Variants in COL5A1 observed in about 807,000 individuals in gnomAD.
COL5A1 encodes collagen alpha-1(V) chain.
COL5A1 carries 16 observed loss-of-function variants against 263.7 expected under a neutral mutation model. The ratio of observed to expected loss-of-function variants is 0.06; its 90% CI spans 0.04 to 0.09. The LOEUF is 0.09. Among genes scored for constraint, COL5A1 ranks in the 10% least tolerant of loss-of-function variants. The pLI is 1.00. For synonymous variants in COL5A1, 1,012 were observed against 1,004.5 expected (o/e 1.01, Z -0.14); for missense variants, 2,036 against 2,540.5 (o/e 0.80, Z 4.27).
At chr9:134,736,107 C>T (rs1187257731) in intron 9 of COL5A1, among the ~76,000 whole-genome samples, 1 of 152,244 alleles carries the variant, frequency 6.6e-6, no homozygotes, top group Non-Finnish European at 1.5e-5. Context: ...CCGGGAGTCC[C>T]CTCACCAGCC....
intron 10 of COL5A1, 85 bp from the exon 11 acceptor site, chr9:134,738,661 C>T (rs1174948423): frequency 1.0e-5 from 15 of 1,474,576 alleles, no homozygotes; most frequent in Non-Finnish European, 1.0e-5. Flanking sequence ...CCCACCCCCA[C>T]CTCTGCCTTG....
chr9:134,685,440 ATTGTCCATCATCCATCCAT>A (rs1833017443), intron 1 of COL5A1, among the ~76,000 whole-genome samples: 1 of 2,958 alleles, frequency 3.4e-4, no homozygotes, highest in Non-Finnish European at 5.6e-4. Flanking sequence ...CCATCCATCC[ATTGTCCATCATCCATCCAT>A]CCATCCATTC....
At chr9:134,787,567 G>T (rs537284923) in intron 31 of COL5A1, among the ~76,000 whole-genome samples, 1 of 152,312 alleles carries the variant, frequency 6.6e-6, no homozygotes, top group East Asian at 1.9e-4. Flanking sequence ...TTCCTGTGTG[G>T]GTGTTTGGAT....
rs1838463470 is a variant in COL5A1 at position 134,810,184 on chromosome 9, C to A, written c.3475-71C>A. ...CTGTTCTTAATCTCCAAGAAAAATT[C>A]ATTACGGGGAACAGAAAAGGTCCAA... On this transcript the variant is annotated intron_variant, in intron 43 of 65. Transcript: ENST00000371817. 11 of 1,546,578 alleles carry A rather than the reference C, an allele frequency of 7.1e-6. No homozygotes were observed. In the African/African-American group the frequency reaches 9.5e-5, roughly 13 times the overall value.
In COL5A1 at chr9:134,755,999, G is replaced by T. The variant is rs1835957185; in HGVS notation, c.1828-766G>T. On this transcript the variant is annotated intron_variant, in intron 16 of 65. Transcript: ENST00000371817. The surrounding 1 kb of genome is among the most constrained non-coding windows in gnomAD (Gnocchi z 4.1). ...TGGCTGGGGTGCCTCGTTGTGCAGG[G>T]TGGCAGCCCTCTGTTCTCGCTGGCT... is the stretch of plus-strand genomic sequence containing the variant. Among the ~76,000 whole-genome samples, 1 of 152,030 alleles carries T rather than the reference G, an allele frequency of 6.6e-6. No homozygotes were observed. Among genetic ancestry groups the T allele is most frequent in the African/African-American group, 2.4e-5 (1 of 41,404 alleles).
At chr9:134,692,921 A>C (rs1588442689) in intron 2 of COL5A1, among the ~76,000 whole-genome samples, 1 of 152,002 alleles carries the variant, frequency 6.6e-6, no homozygotes, top group East Asian at 1.9e-4. Context: ...AAAAATACAA[A>C]AATTAGCTGG....
At chr9:134,810,966 C>T (rs892589430) in intron 44 of COL5A1, among the ~76,000 whole-genome samples, 1 of 152,150 alleles carries the variant, frequency 6.6e-6, no homozygotes, top group Non-Finnish European at 1.5e-5. Flanking sequence ...TTGAGGATGG[C>T]ACAGCAGGGG....
chr9:134,785,346 C>A (rs1837417850), intron 30 of COL5A1, among the ~76,000 whole-genome samples: 2 of 152,226 alleles, frequency 1.3e-5, no homozygotes, highest in South Asian at 2.1e-4. Flanking sequence ...CTCCTTCCTC[C>A]CGGTGGCTAC....
intron 51 of COL5A1, 52 bp from the exon 52 acceptor site, chr9:134,815,883 A>C: frequency 2.5e-6 from 4 of 1,603,902 alleles, no homozygotes; most frequent in Non-Finnish European, 3.4e-6. Context: ...CTGGTGCATG[A>C]ACTCAGGGTG....
At position 134,812,612 on chromosome 9, in the gene COL5A1, C is replaced by T. The variant is rs755735075; in HGVS notation, c.3752C>T (p.Pro1251Leu). Residue 1251 changes from proline (P) to leucine (L), a missense_variant, in exon 48 of 66, where the codon CCG (proline) becomes CTG (leucine). Pro to Leu is a moderately conservative substitution (Grantham distance 98). This residue lies in a region of COL5A1 where 1,078 missense variants were observed against 1,521.4 expected (regional missense o/e 0.71). Transcript: ENST00000371817. The stretch of plus-strand genomic sequence containing the variant: ...GTCTCTCCCTTTTCCTAGGGCCCCC[C>T]GGGTCCCCCTGGCCCCCGAGGACCC... ...ETGDVGQMGPPGPPGPRGPSG... is the reference protein window; with the variant it reads ...ETGDVGQMGPLGPPGPRGPSG... 31 of 1,605,994 alleles carry T rather than the reference C, an allele frequency of 1.9e-5. 1 individual carries two copies. The South Asian group carries it at 2.2e-4, about 12-fold the overall frequency.
chr9:134,840,818 C>T (rs1840001449), intron 65 of COL5A1, among the ~76,000 whole-genome samples: 2 of 152,184 alleles, frequency 1.3e-5, no homozygotes, highest in Admixed American at 6.5e-5. Context: ...TTTATAGGGG[C>T]ACTAATACCA....
intron 24 of COL5A1, among the ~76,000 whole-genome samples, chr9:134,767,719 A>T (rs182833107): frequency 6.6e-6 from 1 of 152,336 alleles, no homozygotes; most frequent in African/African-American, 2.4e-5. Context: ...TAGTTTTGCT[A>T]AATTTGGCAA....
chr9:134,779,650 A>T (rs1265774113), intron 27 of COL5A1, among the ~76,000 whole-genome samples: 1 of 152,218 alleles, frequency 6.6e-6, no homozygotes, highest in East Asian at 1.9e-4. Flanking sequence ...AAACTGAGGC[A>T]CGCAGGAGTC....
rs55933021 is a variant in COL5A1, at chr9:134,765,128, C to T, written c.2035-553C>T. On this transcript the variant is annotated intron_variant, in intron 20 of 65. Coordinates refer to ENST00000371817, the MANE Select transcript of COL5A1 (RefSeq NM_000093.5). This position sits in a 1 kb window ranked among gnomAD's most constrained non-coding sequence, Gnocchi z 5.1. ...GCGTGCCAGCTCTTGCCCAGAGTAGCGTCCTGGAAAAGATCTGTACCCCAC... is the reference window on the plus strand; with the variant it reads ...GCGTGCCAGCTCTTGCCCAGAGTAGTGTCCTGGAAAAGATCTGTACCCCAC... Among the ~76,000 whole-genome samples the T allele has an allele frequency of 0.17, 25,583 of 152,054 alleles. 2,314 individuals carry two copies. The highest frequency in any genetic ancestry group is 0.34 in the East Asian group (1,751 of 5,144).
intron 46 of COL5A1, 57 bp from the exon 47 acceptor site, chr9:134,812,392 T>A: frequency 6.4e-7 from 1 of 1,566,232 alleles, no homozygotes; most frequent in Non-Finnish European, 8.8e-7. Context: ...AAGCTGTGTG[T>A]GTGTTTGACA....
At chr9:134,833,642 C>A (rs1002641157) in intron 64 of COL5A1, among the ~76,000 whole-genome samples, 1 of 152,282 alleles carries the variant, frequency 6.6e-6, no homozygotes, top group East Asian at 1.9e-4. Flanking sequence ...TCCCCGGTCA[C>A]CCCAGCCATC....
intron 1 of COL5A1, among the ~76,000 whole-genome samples, chr9:134,685,427 C>T (rs1348246056): frequency 3.4e-4 from 9 of 26,812 alleles, no homozygotes; most frequent in African/African-American, 8.9e-4. Flanking sequence ...TCCATCCATC[C>T]ATCCATCCAT....
chr9:134,651,960 C>T (rs1038486366), intron 1 of COL5A1, among the ~76,000 whole-genome samples: 14 of 152,106 alleles, frequency 9.2e-5, no homozygotes, highest in Admixed American at 9.2e-4. Context: ...AGAAAGTGTC[C>T]CGTGTCCACG....
chr9:134,759,879 CACCACACAG>C, intron 18 of COL5A1, among the ~76,000 whole-genome samples: 5 of 111,830 alleles, frequency 4.5e-5, no homozygotes, highest in African/African-American at 1.9e-4. Context: ...CATGCACACA[CACCACACAG>C]GCACACACAC....
Sources: allele counts gnomAD v4.1 joint callset (sites outside exome capture counted in the v4.1 genomes callset), GRCh38; gene constraint gnomAD v4.1.1; regional missense constraint gnomAD v4.1.1; non-coding constraint Gnocchi (gnomAD v3.1); transcripts MANE v1.5; gene names NCBI Gene and HGNC (gene_info 2026-07-23, HGNC 2026-07-21).